KRT80: variants seen among roughly 807,000 people sequenced by gnomAD.
KRT80 encodes the protein keratin 80.
In KRT80, 36 loss-of-function variants were observed where a neutral mutation model predicts 51.5. That is an observed-to-expected ratio of 0.70 (90% CI 0.54 to 0.92). The LOEUF (loss-of-function observed/expected upper bound fraction) is 0.92, where lower values mean the gene tolerates loss of function less well. KRT80 is among the 40% of genes least tolerant of loss of function. The probability of loss-of-function intolerance (pLI) is 0.00; values close to 1 mark genes in which losing one functional copy is unlikely to be tolerated. For synonymous variants in KRT80, 235 were observed against 248.3 expected (o/e 0.95, Z 0.50); for missense variants, 566 against 591.7 (o/e 0.96, Z 0.45).
chr12:52,189,975 T>G (rs1180503773), intron 1 of KRT80, among the ~76,000 whole-genome samples: 1 of 152,196 alleles, frequency 6.6e-6, no homozygotes, highest in African/African-American at 2.4e-5. Flanking sequence ...CAGTGAAGCA[T>G]TCCTTCTAAG....
At position 52,171,783 on chromosome 12, in the gene KRT80, C is replaced by T. The variant is rs528981931; in HGVS notation, c.1179-70G>A. Reference sequence around the variant, plus strand: ...GCGAAGAGAGCCTGTGGCTTAAACTCCCCTGGGGGCTGGCAAGTGGAGGGT... The same window carrying T: ...GCGAAGAGAGCCTGTGGCTTAAACTTCCCTGGGGGCTGGCAAGTGGAGGGT... On this transcript the variant is annotated intron_variant, in intron 7 of 8. Transcript: ENST00000394815. 48 of 1,074,118 alleles carry T rather than the reference C, an allele frequency of 4.5e-5. No homozygotes were observed. In the Middle Eastern group the frequency reaches 8.7e-4, roughly 19 times the overall value. 66.5% of individuals were successfully genotyped at this position (1,074,118 alleles called of 1,614,324 possible).
intron 2 of KRT80, among the ~76,000 whole-genome samples, chr12:52,182,698 C>T (rs938188244): frequency 1.3e-5 from 2 of 152,102 alleles, no homozygotes; most frequent in Non-Finnish European, 2.9e-5. Context: ...TGGCAGCTGC[C>T]CTGGGAAACC....
rs1261437944 is a variant in KRT80, at chr12:52,172,427, A to G, written c.958-9T>C. 1.2e-6 allele frequency: 2 copies of G among 1,607,002 alleles called. No individual in the cohort carries two copies. The highest frequency in any genetic ancestry group is 2.2e-5 in the South Asian group (2 of 90,274). ...TCCTCCAGTTTCAGGCACTGCAGCC[A>G]GGAGGACAGAGTGAAAGGGCCTGTG... On this transcript the variant is annotated splice_polypyrimidine_tract_variant and intron_variant, in intron 6 of 8. Coordinates refer to ENST00000394815, the MANE Select transcript of KRT80 (RefSeq NM_182507.3).
chr12:52,181,121 A>G (rs1941314379), intron 2 of KRT80, among the ~76,000 whole-genome samples, 158 bp from the exon 3 acceptor site: 2 of 151,860 alleles, frequency 1.3e-5, no homozygotes, highest in Admixed American at 1.3e-4. Flanking sequence ...ATCTTCTATG[A>G]CACATCCTCT....
chr12:52,185,093 A>G (rs896746930), intron 2 of KRT80, among the ~76,000 whole-genome samples: 6 of 152,204 alleles, frequency 3.9e-5, no homozygotes, highest in African/African-American at 1.4e-4. Flanking sequence ...GGTGCGGGTT[A>G]TGATGATGCC....
intron 5 of KRT80, 42 bp from the exon 6 acceptor site, chr12:52,173,205 C>A: frequency 1.9e-6 from 3 of 1,550,278 alleles, no homozygotes; most frequent in South Asian, 1.2e-5. Context: ...AGCTCAGTGC[C>A]GCTCCCAGCA....
chr12:52,171,658 C>A lies in KRT80; in HGVS notation c.1234G>T (p.Ala412Ser). 1 of 1,350,690 alleles carries A rather than the reference C, an allele frequency of 7.4e-7. No individual in the cohort carries two copies. Among genetic ancestry groups the A allele is most frequent in the African/African-American group, 1.6e-5 (1 of 61,600 alleles). The allele number at this position is 1,350,690 out of a possible 1,614,324, so 83.7% of individuals were successfully genotyped here. A position where few individuals can be genotyped will look rare whatever the true frequency, so the allele number is the denominator to read the frequency against. The change falls in exon 8 of 9, where the codon GCT (alanine) becomes TCT (serine). Residue 412 changes from alanine (A) to serine (S), a missense_variant and splice_region_variant. Transcript: ENST00000394815. ...GGGTTCTCGGGGCAAGAGGACTCAC[C>A]GGTTTTGCACCTGGACTGCACAGCG... ...VSAVQSRCKT[A>S]ASRSGLSKAP...
intron 6 of KRT80, 118 bp downstream of exon 6, chr12:52,172,920 G>T: frequency 8.2e-7 from 1 of 1,223,484 alleles, no homozygotes; most frequent in Non-Finnish European, 1.1e-6. Flanking sequence ...CTGAGGCACA[G>T]AGGCGCTAAG....
intron 1 of KRT80, among the ~76,000 whole-genome samples, chr12:52,186,311 C>T (rs1176035435): frequency 6.6e-6 from 1 of 152,110 alleles, no homozygotes; most frequent in Non-Finnish European, 1.5e-5. Flanking sequence ...CTCTTCCCTC[C>T]AGCACTGAGG....
chr12:52,173,577 G>C (rs752713281), intron 5 of KRT80, 23 bp downstream of exon 5: 30 of 1,609,400 alleles, frequency 1.9e-5, no homozygotes, highest in Non-Finnish European at 2.5e-5. Flanking sequence ...GCTGCTTCTC[G>C]TGCCCTGTGT....
At chr12:52,187,807 G>A (rs538830363) in intron 1 of KRT80, among the ~76,000 whole-genome samples, 107 of 152,258 alleles carry the variant, frequency 7.0e-4, no homozygotes, top group African/African-American at 2.4e-3. Flanking sequence ...CCTTGCCTCC[G>A]TTTTGACAAG....
intron 5 of KRT80, 60 bp downstream of exon 5, chr12:52,173,540 C>T (rs1240763095): frequency 6.4e-7 from 1 of 1,568,262 alleles, no homozygotes; most frequent in Non-Finnish European, 8.7e-7. Flanking sequence ...CAGTCCAGCC[C>T]TTCCTGCCAC....
In KRT80 at chr12:52,191,935, G is replaced by T. The variant is rs777477365; in HGVS notation, c.-33C>A. ...CCGGCCGGAAGCAGGAGGGCCCAGGGGGGTGAGCGAGTGAGCCTGGGGTTG... is the reference window on the plus strand; with the variant it reads ...CCGGCCGGAAGCAGGAGGGCCCAGGTGGGTGAGCGAGTGAGCCTGGGGTTG... On this transcript the variant is annotated 5_prime_UTR_variant, in exon 1 of 9. Coordinates refer to ENST00000394815, the MANE Select transcript of KRT80 (RefSeq NM_182507.3). The T allele has an allele frequency of 1.4e-6, 2 of 1,439,708 alleles. No individual in the cohort carries two copies. Among genetic ancestry groups the T allele is most frequent in the Middle Eastern group, 2.5e-4 (1 of 3,946 alleles). The allele number at this position is 1,439,708 out of a possible 1,614,324, so 89.2% of individuals were successfully genotyped here. A position where few individuals can be genotyped will look rare whatever the true frequency, so the allele number is the denominator to read the frequency against.
intron 4 of KRT80, among the ~76,000 whole-genome samples, chr12:52,175,096 C>T (rs1017457889): frequency 1.3e-5 from 2 of 152,210 alleles, no homozygotes; most frequent in African/African-American, 4.8e-5. Context: ...GTCTGCATTC[C>T]CATTTTGCTG....
intron 4 of KRT80, among the ~76,000 whole-genome samples, chr12:52,175,375 C>T (rs1451307188): frequency 6.6e-6 from 1 of 152,164 alleles, no homozygotes; most frequent in East Asian, 1.9e-4. Context: ...CGGATGCCTG[C>T]TGGGATCCAG....
chr12:52,191,835 C>T lies in KRT80; in HGVS notation c.68G>A (p.Ser23Asn). The change falls in exon 1 of 9, where the codon AGC becomes AAC. Residue 23 changes from serine (S) to asparagine (N), a missense_variant. Physicochemically the swap from Ser to Asn is conservative, Grantham distance 46. Coordinates refer to ENST00000394815, the MANE Select transcript of KRT80 (RefSeq NM_182507.3). ...LSSCEVTPVG[S>N]PRPGTSGWDS... ...CCATCCTGAGGTTCCAGGCCGGGGG[C>T]TGCCCACCGGGGTCACCTCACAGCT... The T allele has an allele frequency of 6.3e-7, 1 of 1,582,102 alleles. No individual in the cohort carries two copies.
At chr12:52,191,033 C>T (rs1001069909) in intron 1 of KRT80, among the ~76,000 whole-genome samples, 1 of 152,158 alleles carries the variant, frequency 6.6e-6, no homozygotes, top group Non-Finnish European at 1.5e-5. Context: ...GCATCGTCCC[C>T]TGCATTCCTA....
chr12:52,181,023 C>T (rs1465538028), intron 2 of KRT80, 60 bp from the exon 3 acceptor site: 5 of 1,380,580 alleles, frequency 3.6e-6, no homozygotes, highest in African/African-American at 1.5e-5. Context: ...CTGGTGAACT[C>T]CCCTTGGTTG....
At chr12:52,181,031 T>C (rs956043689) in intron 2 of KRT80, 68 bp from the exon 3 acceptor site, 40 of 1,312,490 alleles carry the variant, frequency 3.0e-5, no homozygotes, top group Admixed American at 4.9e-5. Flanking sequence ...CTCCCCTTGG[T>C]TGGGGCTCAG....
Sources: gnomAD v4.1 joint callset for allele counts (sites outside exome capture counted in the v4.1 genomes callset) on GRCh38, gnomAD v4.1.1 for gene constraint, MANE v1.5 for transcripts, NCBI Gene and HGNC (gene_info 2026-07-23, HGNC 2026-07-21) for gene names.